The following PPM1H variants were observed in gnomAD, a reference collection of about 807,000 sequenced individuals.
PPM1H encodes protein phosphatase, Mg2+/Mn2+ dependent 1H.
In PPM1H, 27 loss-of-function variants were observed where a neutral mutation model predicts 54.9. That is an observed-to-expected ratio of 0.49 (90% CI 0.36 to 0.68). The LOEUF (loss-of-function observed/expected upper bound fraction) is 0.68, where lower values mean the gene tolerates loss of function less well. Ranked by LOEUF, PPM1H falls within the 30% of genes least tolerant of loss-of-function variation. PPM1H has a pLI of 0.00. For missense variants in PPM1H, 596 were observed against 667.8 expected, an observed-to-expected ratio of 0.89 and a Z score of 1.19; for synonymous variants, 305 against 270.8, an observed-to-expected ratio of 1.13 and a Z score of -1.24.
chr12:62,828,978 T>C (rs1362061679), intron 2 of PPM1H, among the ~76,000 whole-genome samples: 2 of 150,918 alleles, frequency 1.3e-5, no homozygotes, highest in Non-Finnish European at 2.9e-5. Flanking sequence ...CGTGGAGAAA[T>C]AGGAACCCCT....
intron 1 of PPM1H, among the ~76,000 whole-genome samples, chr12:62,867,876 C>A (rs1003429300): frequency 6.6e-6 from 1 of 152,056 alleles, no homozygotes; most frequent in African/African-American, 2.4e-5. Context: ...TGCCCAAAAA[C>A]CAGTGTTAGG....
intron 4 of PPM1H, among the ~76,000 whole-genome samples, chr12:62,779,300 G>A (rs1404007749): frequency 6.6e-6 from 1 of 152,092 alleles, no homozygotes; most frequent in East Asian, 1.9e-4. Flanking sequence ...GCCTGCCTCG[G>A]CCTCCCAAAG....
chr12:62,907,295 C>T (rs1394216370), intron 1 of PPM1H, among the ~76,000 whole-genome samples: 1 of 152,206 alleles, frequency 6.6e-6, no homozygotes, highest in Non-Finnish European at 1.5e-5. Flanking sequence ...ATGATCATTA[C>T]ATTTCATCAT....
intron 9 of PPM1H, among the ~76,000 whole-genome samples, chr12:62,653,325 C>A (rs750143934): frequency 7.9e-5 from 12 of 152,204 alleles, no homozygotes; most frequent in Non-Finnish European, 1.5e-4. Flanking sequence ...TCTCCATAAA[C>A]TCTTATTAGA....
At chr12:62,696,159 A>G (rs576181076) in intron 6 of PPM1H, among the ~76,000 whole-genome samples, 2 of 152,354 alleles carry the variant, frequency 1.3e-5, no homozygotes, top group East Asian at 3.9e-4. Context: ...TTAGAGAAGT[A>G]GTAAGAAAAC....
chr12:62,648,149 C>A lies in PPM1H; in HGVS notation c.*340G>T, dbSNP rs369828285. ...AGGCTGAAGAGTCCTCTGCCATTTA[C>A]ACCTGAAAATGGCTGCCCCAGCTAC... On this transcript the variant is annotated 3_prime_UTR_variant, in exon 10 of 10. Coordinates refer to ENST00000228705, the MANE Select transcript of PPM1H (RefSeq NM_020700.2). 3.1e-5 allele frequency: 6 copies of A among 190,508 alleles called. No homozygotes were observed. In the East Asian group the frequency reaches 3.6e-4, roughly 12 times the overall value. The allele number at this position is 190,508 out of a possible 1,614,324, so 11.8% of individuals were successfully genotyped here. A position where few individuals can be genotyped will look rare whatever the true frequency, so the allele number is the denominator to read the frequency against.
chr12:62,722,084 G>A lies in PPM1H; in HGVS notation c.955-1795C>T, dbSNP rs568340235. 3.9e-5 allele frequency among the ~76,000 whole-genome samples: 6 copies of A among 152,140 alleles called. No homozygotes were observed. In the South Asian group the frequency reaches 6.3e-4, roughly 16 times the overall value. ...CTAAACTAAGCACGGCACCCTCCGC[G>A]ACCGCACAAGTCACAGGCCCATGAA... On this transcript the variant is annotated intron_variant, in intron 5 of 9. Transcript: ENST00000228705.
At chr12:62,705,963 G>C (rs188942821) in intron 6 of PPM1H, among the ~76,000 whole-genome samples, 1 of 152,236 alleles carries the variant, frequency 6.6e-6, no homozygotes, top group East Asian at 1.9e-4. Flanking sequence ...CCTCTGTGTC[G>C]GCCCTTGCGG....
Position 62,695,312 on chromosome 12 carries a change from A to G in PPM1H, c.1074-1313T>C, listed in dbSNP as rs539379170. On this transcript the variant is annotated intron_variant, in intron 6 of 9. Coordinates refer to ENST00000228705, the MANE Select transcript of PPM1H (RefSeq NM_020700.2). Reference sequence around the variant, plus strand: ...CAATGCCTTTGGTATAGCCCTGCACAAGTAGATGTGCTCTCAGTCCCTCAG... The same window carrying G: ...CAATGCCTTTGGTATAGCCCTGCACGAGTAGATGTGCTCTCAGTCCCTCAG... Among the ~76,000 whole-genome samples, 16 of 152,272 alleles carry G rather than the reference A, an allele frequency of 1.1e-4. No individual in the cohort carries two copies. In the South Asian group the frequency reaches 3.1e-3, roughly 30 times the overall value.
chr12:62,920,253 C>T (rs1342249192), intron 1 of PPM1H, among the ~76,000 whole-genome samples: 2 of 152,186 alleles, frequency 1.3e-5, no homozygotes, highest in Non-Finnish European at 1.5e-5. Context: ...AGTCCATCCT[C>T]CTCGGTTACT....
At chr12:62,682,846 G>A (rs2076027135) in intron 8 of PPM1H, among the ~76,000 whole-genome samples, 1 of 150,016 alleles carries the variant, frequency 6.7e-6, no homozygotes, top group African/African-American at 2.5e-5. Flanking sequence ...GTGGGAAACA[G>A]GGTCTTTCTC....
At chr12:62,834,753 G>T (rs965081613) in intron 1 of PPM1H, among the ~76,000 whole-genome samples, 3 of 152,136 alleles carry the variant, frequency 2.0e-5, no homozygotes, top group Non-Finnish European at 4.4e-5. Context: ...ACATGCATTC[G>T]TCTGGAACGT....
intron 4 of PPM1H, among the ~76,000 whole-genome samples, chr12:62,785,342 AT>A (rs532331945): frequency 6.6e-6 from 1 of 151,786 alleles, no homozygotes; most frequent in African/African-American, 2.4e-5. Context: ...ACACCCGCTC[AT>A]TTTTTTTGTA....
At chr12:62,849,284 A>G (rs1294467207) in intron 1 of PPM1H, among the ~76,000 whole-genome samples, 1 of 152,240 alleles carries the variant, frequency 6.6e-6, no homozygotes, top group African/African-American at 2.4e-5. Context: ...ACTAGAAAGA[A>G]AAAGGACTGA....
In PPM1H at chr12:62,648,494, A is replaced by C. The variant is rs1247684810; in HGVS notation, c.1540T>G (p.Ser514Ala). ...CCCAATCCCCTGGGCCATTTTCATG[A>C]CAGCTTGTTTCCATGTATTAAAGGA... ...VIPLIHGNKL[S>A] The change falls in exon 10 of 10, where the codon TCA becomes GCA. Residue 514 changes from serine to alanine, a missense_variant. Coordinates refer to ENST00000228705, the MANE Select transcript of PPM1H (RefSeq NM_020700.2). 1.2e-6 allele frequency: 2 copies of C among 1,613,918 alleles called. No homozygotes were observed. Among genetic ancestry groups the C allele is most frequent in the Non-Finnish European group, 8.5e-7 (1 of 1,179,848 alleles).
intron 6 of PPM1H, among the ~76,000 whole-genome samples, chr12:62,699,206 AT>A (rs998210317): frequency 3.3e-5 from 5 of 152,016 alleles, no homozygotes; most frequent in African/African-American, 1.2e-4. Context: ...TTATTTATTT[AT>A]TTTTTTGAGA....
At chr12:62,837,871 T>C (rs748709331) in intron 1 of PPM1H, among the ~76,000 whole-genome samples, 55 of 152,340 alleles carry the variant, frequency 3.6e-4, no homozygotes, top group Non-Finnish European at 6.3e-4. Context: ...AGCATCCCTC[T>C]GCCTCCCTCA....
intron 8 of PPM1H, among the ~76,000 whole-genome samples, chr12:62,687,902 G>T (rs2076062380): frequency 6.6e-6 from 1 of 151,782 alleles, no homozygotes. Context: ...CCAGCTACTT[G>T]GGAGGCTGAG....
rs1468453909 is a variant in PPM1H at position 62,664,975 on chromosome 12, GTCT to G, written c.1397+2200_1397+2202del. Among the ~76,000 whole-genome samples, 17 of 147,572 alleles carry G rather than the reference GTCT, an allele frequency of 1.2e-4. No individual in the cohort carries two copies. In the East Asian group the frequency reaches 3.1e-3, roughly 27 times the overall value. On this transcript the variant is annotated intron_variant, in intron 9 of 9. Transcript: ENST00000228705. Reference sequence around the variant, plus strand: ...TTGAAAGTTGGCTGTCAGTCTGAATGTCTTCTTTTTTTTTTTTTTTCCTGGCTG... The same window carrying G: ...TTGAAAGTTGGCTGTCAGTCTGAATGTCTTTTTTTTTTTTTTTCCTGGCTG...
Sources: gnomAD v4.1 joint callset for allele counts (sites outside exome capture counted in the v4.1 genomes callset) on GRCh38, gnomAD v4.1.1 for gene constraint, MANE v1.5 for transcripts, NCBI Gene and HGNC (gene_info 2026-07-23, HGNC 2026-07-21) for gene names.